EYA1: variants seen among roughly 807,000 people sequenced by gnomAD.
EYA1 encodes EYA transcriptional coactivator and phosphatase 1, also known as protein phosphatase EYA1.
Under a neutral mutation model 82.0 loss-of-function variants are expected in EYA1, and 16 were observed. That is an observed-to-expected ratio of 0.20 (90% CI 0.13 to 0.30). The LOEUF (loss-of-function observed/expected upper bound fraction) is 0.30. Among genes scored for constraint, EYA1 ranks in the 10% least tolerant of loss-of-function variants. The probability of loss-of-function intolerance (pLI) is 1.00; values close to 1 mark genes in which losing one functional copy is unlikely to be tolerated. For missense variants in EYA1, 633 were observed against 730.7 expected, an observed-to-expected ratio of 0.87 and a Z score of 1.54; for synonymous variants, 261 against 264.4, an observed-to-expected ratio of 0.99 and a Z score of 0.12.
intron 9 of EYA1, among the ~76,000 whole-genome samples, chr8:71,287,224 G>A (rs561489962): frequency 1.3e-5 from 2 of 152,228 alleles, no homozygotes; most frequent in African/African-American, 2.4e-5. Flanking sequence ...AAGATTTAAT[G>A]TAAAGGAATT....
At chr8:71,377,538 C>T (rs1040730051) in intron 2 of EYA1, among the ~76,000 whole-genome samples, 92 of 152,112 alleles carry the variant, frequency 6.0e-4, no homozygotes, top group African/African-American at 2.1e-3. Flanking sequence ...CACATTTCTG[C>T]CTTTATCTTA....
chr8:71,447,164 T>C (rs557083865), intron 2 of EYA1, among the ~76,000 whole-genome samples: 10 of 151,916 alleles, frequency 6.6e-5, no homozygotes, highest in African/African-American at 2.4e-4. Flanking sequence ...TAACTCTCTT[T>C]ATCTTTTATC....
intron 2 of EYA1, among the ~76,000 whole-genome samples, chr8:71,509,601 C>T (rs571154229): frequency 6.6e-6 from 1 of 152,254 alleles, no homozygotes; most frequent in African/African-American, 2.4e-5. Flanking sequence ...AACTTCAATG[C>T]ATTTTGACTT....
chr8:71,370,438 CACTT>C (rs1828014361), intron 2 of EYA1, among the ~76,000 whole-genome samples: 1 of 149,946 alleles, frequency 6.7e-6, no homozygotes, highest in East Asian at 1.9e-4. Flanking sequence ...AGAATTCCCA[CACTT>C]AAGGAAATTA....
At chr8:71,491,257 A>G (rs1285173296) in intron 2 of EYA1, among the ~76,000 whole-genome samples, 1 of 152,150 alleles carries the variant, frequency 6.6e-6, no homozygotes, top group Non-Finnish European at 1.5e-5. Context: ...TTTTTTTAAA[A>G]AAAGCACTAA....
At chr8:71,212,831 A>G (rs1190747563) in intron 16 of EYA1, among the ~76,000 whole-genome samples, 1 of 152,214 alleles carries the variant, frequency 6.6e-6, no homozygotes, top group Non-Finnish European at 1.5e-5. Context: ...CTGTAATCCC[A>G]GCACTTTGGA....
At chr8:71,404,238 C>A (rs1830098982) in intron 2 of EYA1, 1 of 152,160 alleles carries the variant, frequency 6.6e-6, no homozygotes, top group South Asian at 2.1e-4. Context: ...TTGGAGTTGT[C>A]CATATCATAG....
Position 71,408,817 on chromosome 8 carries a change from G to C in EYA1, c.34-52306C>G, listed in dbSNP as rs966669393. Among the ~76,000 whole-genome samples the C allele has an allele frequency of 2.1e-3, 269 of 130,270 alleles. 6 individuals are homozygous for C. Among genetic ancestry groups the C allele is most frequent in the African/African-American group, 8.0e-3 (253 of 31,648 alleles). 85.5% of individuals were successfully genotyped at this position (130,270 alleles called of 152,430 possible). A position where few individuals can be genotyped will look rare whatever the true frequency, so the allele number is the denominator to read the frequency against. The stretch of plus-strand genomic sequence containing the variant: ...TTGTCAACATTAGACAGATCAACGA[G>C]CCAGAAAGTCAACAAGGATACCCAG... On this transcript the variant is annotated intron_variant, in intron 2 of 18. Coordinates refer to the EYA1 transcript ENST00000643681.
chr8:71,545,121 C>T (rs556973846), intron 1 of EYA1, among the ~76,000 whole-genome samples: 1 of 152,326 alleles, frequency 6.6e-6, no homozygotes, highest in African/African-American at 2.4e-5. Flanking sequence ...GAGTCTGTAA[C>T]TCTGGCACTT....
At chr8:71,216,046 C>T (rs1240269361) in intron 14 of EYA1, among the ~76,000 whole-genome samples, 1 of 152,094 alleles carries the variant, frequency 6.6e-6, no homozygotes, top group Non-Finnish European at 1.5e-5. Context: ...TTTGCTGAAT[C>T]TATTAGGAAA....
chr8:71,245,591 G>T (rs911137797), intron 11 of EYA1, among the ~76,000 whole-genome samples: 2 of 151,902 alleles, frequency 1.3e-5, no homozygotes, highest in South Asian at 4.2e-4. Flanking sequence ...TTTACGTGTG[G>T]CCTCAAACAA....
intron 9 of EYA1, among the ~76,000 whole-genome samples, chr8:71,274,729 GA>G (rs1228207852): frequency 6.6e-6 from 1 of 152,214 alleles, no homozygotes; most frequent in Admixed American, 6.5e-5. Context: ...AATGCTAGGA[GA>G]ACACAGAGGA....
At chr8:71,498,286 T>G (rs1385918528) in intron 2 of EYA1, among the ~76,000 whole-genome samples, 1 of 152,220 alleles carries the variant, frequency 6.6e-6, no homozygotes, top group Non-Finnish European at 1.5e-5. Context: ...GTATATATAC[T>G]TCAAAACAGT....
At chr8:71,222,907 GCT>G (rs1230173063) in intron 12 of EYA1, among the ~76,000 whole-genome samples, 2 of 152,136 alleles carry the variant, frequency 1.3e-5, no homozygotes, top group East Asian at 3.9e-4. Context: ...GGGGACTCCA[GCT>G]CTGTCTGCCC....
At chr8:71,286,582 T>C (rs866049390) in intron 9 of EYA1, among the ~76,000 whole-genome samples, 2 of 152,260 alleles carry the variant, frequency 1.3e-5, no homozygotes, top group African/African-American at 2.4e-5. Context: ...TAGGCTTTAC[T>C]AAGTTAGCTG....
At chr8:71,330,851 TTGTGTGTGTG>T (rs35043341) in intron 4 of EYA1, among the ~76,000 whole-genome samples, 1 of 147,022 alleles carries the variant, frequency 6.8e-6, no homozygotes, top group Non-Finnish European at 1.5e-5. Flanking sequence ...CCTTGATTTC[TTGTGTGTGTG>T]TGTGTGTGTG....
intron 3 of EYA1, among the ~76,000 whole-genome samples, chr8:71,342,057 G>A (rs920471889): frequency 3.3e-5 from 5 of 152,046 alleles, no homozygotes; most frequent in African/African-American, 1.2e-4. Context: ...TTCCACACTA[G>A]CTCAGTTTCC....
At chr8:71,498,700 G>T (rs1178734507) in intron 2 of EYA1, among the ~76,000 whole-genome samples, 1 of 152,146 alleles carries the variant, frequency 6.6e-6, no homozygotes, top group Admixed American at 6.6e-5. Flanking sequence ...CTCTTCTGCT[G>T]CTGGGCAATC....
intron 17 of EYA1, among the ~76,000 whole-genome samples, chr8:71,206,137 T>A (rs1807738640): frequency 2.0e-5 from 3 of 152,186 alleles, no homozygotes; most frequent in Admixed American, 2.0e-4. Context: ...CATTTTACTC[T>A]AATAATTTTT....
Sources: allele counts gnomAD v4.1 joint callset (sites outside exome capture counted in the v4.1 genomes callset), GRCh38; gene constraint gnomAD v4.1.1; transcripts MANE v1.5; gene names NCBI Gene and HGNC (gene_info 2026-07-23, HGNC 2026-07-21).